The following DNAH11 variants were observed in gnomAD, a reference collection of about 807,000 sequenced individuals.
DNAH11 encodes the protein dynein axonemal heavy chain 11.
A neutral mutation model predicts 526.0 loss-of-function variants in DNAH11; 442 were observed. The observed-to-expected ratio is 0.84, with a 90% CI of 0.78 to 0.91. The LOEUF is 0.91. Ranked by LOEUF, DNAH11 falls within the 40% of genes least tolerant of loss-of-function variation. The probability of loss-of-function intolerance (pLI) is 0.00; values close to 1 mark genes in which losing one functional copy is unlikely to be tolerated. For missense variants in DNAH11, 6,989 were observed against 5,448.7 expected, an observed-to-expected ratio of 1.28 and a Z score of -8.90; for synonymous variants, 2,461 against 1,935.9, an observed-to-expected ratio of 1.27 and a Z score of -7.12.
intron 63 of DNAH11, among the ~76,000 whole-genome samples, chr7:21,811,916 A>G (rs1789538843): frequency 6.6e-6 from 1 of 152,166 alleles, no homozygotes; most frequent in African/African-American, 2.4e-5. Flanking sequence ...CTGGGACTAC[A>G]TTTCCCATCA....
intron 40 of DNAH11, among the ~76,000 whole-genome samples, chr7:21,709,676 T>C (rs1000944457): frequency 2.6e-5 from 4 of 152,192 alleles, no homozygotes; most frequent in African/African-American, 9.7e-5. Context: ...TGGGACAGTT[T>C]TTACTGTCTC....
At chr7:21,842,478 A>G (rs1388175910) in intron 65 of DNAH11, 66 bp from the exon 66 acceptor site, 1 of 1,337,044 alleles carries the variant, frequency 7.5e-7, no homozygotes, top group Non-Finnish European at 1.0e-6. Flanking sequence ...CAGGAATGGA[A>G]TGACACCGTA....
Position 21,738,789 on chromosome 7 carries a change from G to T in DNAH11, c.7734G>T (p.Met2578Ile), listed in dbSNP as rs1474093393. The change falls in exon 47 of 82, where the codon ATG becomes ATT. Residue 2578 changes from methionine (M) to isoleucine (I), a missense_variant. Transcript: ENST00000409508. ...NKKLIYFIDD[M>I]NMPEVDLYGT... ...AATTGATTTATTTTATCGACGACAT[G>T]AACATGCCTGAAGTGGACTTATATG... The T allele has an allele frequency of 6.2e-7, 1 of 1,600,262 alleles. No individual in the cohort carries two copies. The highest frequency in any genetic ancestry group is 1.7e-5 in the Admixed American group (1 of 58,648).
intron 22 of DNAH11, 150 bp downstream of exon 22, chr7:21,616,442 C>A (rs943237030): frequency 7.1e-6 from 4 of 560,720 alleles, no homozygotes; most frequent in Middle Eastern, 2.7e-4. Flanking sequence ...TCACCCTTAG[C>A]CAGTTGCACT....
At chr7:21,676,493 C>T (rs908180977) in intron 30 of DNAH11, among the ~76,000 whole-genome samples, 7 of 152,088 alleles carry the variant, frequency 4.6e-5, no homozygotes, top group African/African-American at 1.5e-4. Context: ...ACTGTGGGTA[C>T]AGAATTTTAT....
chr7:21,731,027 C>G (rs779763146), intron 45 of DNAH11, among the ~76,000 whole-genome samples: 1 of 151,892 alleles, frequency 6.6e-6, no homozygotes, highest in Non-Finnish European at 1.5e-5. Context: ...GCCTATAATC[C>G]CAGCTACTCG....
At chr7:21,872,130 A>AAAAAAAAAAAAAAC (rs1480597004) in intron 73 of DNAH11, among the ~76,000 whole-genome samples, 10 of 108,872 alleles carry the variant, frequency 9.2e-5, no homozygotes, top group African/African-American at 1.6e-4. Flanking sequence ...TCTCAAAAAA[A>AAAAAAAAAAAAAAC]AAAAAAAAAA....
At chr7:21,682,586 G>C (rs981183589) in intron 31 of DNAH11, among the ~76,000 whole-genome samples, 28 of 149,524 alleles carry the variant, frequency 1.9e-4, no homozygotes, top group African/African-American at 5.6e-4. Context: ...AGTGTTTAAT[G>C]TGAAAGGAGA....
At chr7:21,778,456 G>A (rs1787778750) in intron 56 of DNAH11, among the ~76,000 whole-genome samples, 1 of 152,160 alleles carries the variant, frequency 6.6e-6, no homozygotes, top group Admixed American at 6.5e-5. Context: ...GAAGAGGTGA[G>A]ACCTATCAGT....
In DNAH11 at chr7:21,713,765, C is replaced by A. The variant is rs1216073633; in HGVS notation, c.6983+1905C>A. On this transcript the variant is annotated intron_variant, in intron 42 of 81. Transcript: ENST00000409508. ...TCGCTAAAAGTCTCATTCCTTACCT[C>A]TACAGTGTAGTAGAGCCATGCACAG... Among the ~76,000 whole-genome samples, 3 of 152,186 alleles carry A rather than the reference C, an allele frequency of 2.0e-5. No individual in the cohort carries two copies. In the East Asian group the frequency reaches 5.8e-4, roughly 29 times the overall value.
chr7:21,706,704 G>A (rs903515052), intron 39 of DNAH11, among the ~76,000 whole-genome samples: 7 of 152,064 alleles, frequency 4.6e-5, no homozygotes, highest in Non-Finnish European at 1.0e-4. Context: ...CAACAGGTAC[G>A]TAACCCGAGA....
At chr7:21,615,376 A>G in intron 21 of DNAH11, 104 bp downstream of exon 21, 1 of 1,299,972 alleles carries the variant, frequency 7.7e-7, no homozygotes, top group Non-Finnish European at 1.0e-6. Context: ...ATGTCTTGAA[A>G]TATGTGGAAA....
intron 81 of DNAH11, 132 bp from the exon 82 acceptor site, chr7:21,900,875 A>AAAAATACC: frequency 7.0e-7 from 1 of 1,431,928 alleles, no homozygotes; most frequent in Non-Finnish European, 9.3e-7. Flanking sequence ...CCAGCTCAGT[A>AAAAATACC]AAAATACCAC....
chr7:21,866,125 C>A (rs1454576502), intron 70 of DNAH11, among the ~76,000 whole-genome samples: 1 of 152,186 alleles, frequency 6.6e-6, no homozygotes, highest in Non-Finnish European at 1.5e-5. Context: ...CCCAGCAAGT[C>A]TCAGCCTCAA....
At chr7:21,734,974 A>G (rs1400103589) in intron 45 of DNAH11, among the ~76,000 whole-genome samples, 2 of 152,134 alleles carry the variant, frequency 1.3e-5, no homozygotes, top group South Asian at 2.1e-4. Flanking sequence ...GATCGAGACC[A>G]TCTGGCTAAC....
chr7:21,752,326 A>G (rs1280573023), intron 54 of DNAH11, among the ~76,000 whole-genome samples: 1 of 152,230 alleles, frequency 6.6e-6, no homozygotes, highest in East Asian at 1.9e-4. Flanking sequence ...GGTGACATCT[A>G]GATCCCCTCT....
At chr7:21,808,092 A>G (rs1789352440) in intron 63 of DNAH11, 43 bp downstream of exon 63, 2 of 1,348,610 alleles carry the variant, frequency 1.5e-6, no homozygotes, top group Non-Finnish European at 1.9e-6. Flanking sequence ...GAAAGATCAC[A>G]TTGAAATTTC....
chr7:21,809,585 C>T (rs62447193), intron 63 of DNAH11, among the ~76,000 whole-genome samples: 21,588 of 151,758 alleles, frequency 0.14, 1,851 homozygotes, highest in Non-Finnish European at 0.19. Flanking sequence ...TTTTTTGAGA[C>T]GGAGTTTCCC....
chr7:21,726,833 C>T (rs1381651710), intron 45 of DNAH11, among the ~76,000 whole-genome samples: 1 of 99,592 alleles, frequency 1.0e-5, no homozygotes, highest in Non-Finnish European at 1.8e-5. Flanking sequence ...TGCACTCCAG[C>T]CTGGGCGACA....
Sources: gnomAD v4.1 joint callset for allele counts (sites outside exome capture counted in the v4.1 genomes callset) on GRCh38, gnomAD v4.1.1 for gene constraint, MANE v1.5 for transcripts, NCBI Gene and HGNC (gene_info 2026-07-23, HGNC 2026-07-21) for gene names.